Variants in MACF1 observed in about 807,000 individuals in gnomAD.
MACF1 encodes the protein microtubule-actin cross-linking factor 1.
Under a neutral mutation model 854.8 loss-of-function variants are expected in MACF1, and 193 were observed. The observed-to-expected ratio is 0.23, with a 90% CI of 0.20 to 0.25. The LOEUF (loss-of-function observed/expected upper bound fraction) is 0.25, where lower values mean the gene tolerates loss of function less well. Ranked by LOEUF, MACF1 falls within the 10% of genes least tolerant of loss-of-function variation. The probability of loss-of-function intolerance (pLI) is 1.00; values close to 1 mark genes in which losing one functional copy is unlikely to be tolerated. For missense variants in MACF1, 7,722 were observed against 8,929.1 expected, an observed-to-expected ratio of 0.86 and a Z score of 5.45; for synonymous variants, 3,185 against 3,226.7, an observed-to-expected ratio of 0.99 and a Z score of 0.44.
chr1:39,321,091 T>C (rs1383337835), intron 31 of MACF1, among the ~76,000 whole-genome samples: 1 of 152,266 alleles, frequency 6.6e-6, no homozygotes, highest in Non-Finnish European at 1.5e-5. Flanking sequence ...TGTGTGTGTA[T>C]AGCACTCAAA....
At chr1:39,191,305 T>G (rs1361934366) in intron 2 of MACF1, among the ~76,000 whole-genome samples, 1 of 151,800 alleles carries the variant, frequency 6.6e-6, no homozygotes, top group Admixed American at 6.6e-5. Context: ...TTGCTTAAGA[T>G]AGCTTTGAAG....
At position 39,434,307 on chromosome 1, in the gene MACF1, T is replaced by C. The variant is rs985456332; in HGVS notation, c.17566-107T>C. ...TCTTTACTGATATTTTAAAATAATT[T>C]AGTTATGTATTCTTTTAGACTTTTT... On this transcript the variant is annotated intron_variant, in intron 68 of 100. Transcript: ENST00000564288. 136 of 472,342 alleles carry C rather than the reference T, an allele frequency of 2.9e-4. 1 individual carries two copies. The highest frequency in any genetic ancestry group is 1.2e-4 in the South Asian group (2 of 16,836). 29.3% of individuals were successfully genotyped at this position (472,342 alleles called of 1,614,324 possible). A position where few individuals can be genotyped will look rare whatever the true frequency, so the allele number is the denominator to read the frequency against.
At chr1:39,185,557 G>A (rs1273331167) in intron 2 of MACF1, among the ~76,000 whole-genome samples, 1 of 151,860 alleles carries the variant, frequency 6.6e-6, no homozygotes, top group East Asian at 1.9e-4. Context: ...AAGCAAGAAG[G>A]AAAAGTTAAA....
At position 39,423,605 on chromosome 1, in the gene MACF1, A is replaced by C. The variant is rs1168685146; in HGVS notation, c.16150-423A>C. On this transcript the variant is annotated intron_variant, in intron 60 of 100. Coordinates refer to ENST00000564288, the MANE Select transcript of MACF1 (RefSeq NM_001394062.1). ...AGCCGAGATCGAGCCAGTGCACTCC[A>C]GCCTGGGAGACAGAGCGAGACTCTG... is the stretch of plus-strand genomic sequence containing the variant. Among the ~76,000 whole-genome samples, 6 of 147,920 alleles carry C rather than the reference A, an allele frequency of 4.1e-5. No homozygotes were observed. The East Asian group carries it at 9.9e-4, about 24-fold the overall frequency.
intron 99 of MACF1, among the ~76,000 whole-genome samples, chr1:39,481,701 T>C (rs531916571): frequency 6.6e-6 from 1 of 152,360 alleles, no homozygotes; most frequent in Admixed American, 6.5e-5. Context: ...GGAAGAGCAG[T>C]GTTTTAGAAA....
chr1:39,188,247 G>A (rs1022248271), intron 2 of MACF1, among the ~76,000 whole-genome samples: 2 of 151,870 alleles, frequency 1.3e-5, no homozygotes, highest in Admixed American at 6.6e-5. Context: ...AGACTAGCCT[G>A]GGCAACCCCA....
chr1:39,437,956 A>G lies in MACF1; in HGVS notation c.18168A>G (p.Gly6056=). The change falls in exon 71 of 101, where the codon GGA becomes GGG. Residue 6056 remains glycine, a synonymous_variant. Transcript: ENST00000564288. ...QPSFEALKRR[G]EELIGRSQGA... is the part of the protein sequence containing the mutation. ...CCTTTGAGGCCTTGAAGCGCCGTGG[A>G]GAGGAGCTTATTGGACGATCTCAGG... 2 of 1,614,150 alleles carry G rather than the reference A, an allele frequency of 1.2e-6. No homozygotes were observed. Among genetic ancestry groups the G allele is most frequent in the Non-Finnish European group, 1.7e-6 (2 of 1,180,016 alleles).
chr1:39,105,741 C>A lies in MACF1; in HGVS notation c.220+21303C>A. The stretch of plus-strand genomic sequence containing the variant: ...AGGTAGGGCCGGGGACTGGCCGGCG[C>A]TGAGGCCCGCGGGCCGGCGCAGCGT... On this transcript the variant is annotated intron_variant, in intron 2 of 93. Coordinates refer to the MACF1 transcript ENST00000361689. This position sits in a 1 kb window ranked among gnomAD's most constrained non-coding sequence, Gnocchi z 5.9. 2 of 1,117,050 alleles carry A rather than the reference C, an allele frequency of 1.8e-6. No individual in the cohort carries two copies. The highest frequency in any genetic ancestry group is 2.2e-6 in the Non-Finnish European group (2 of 895,902). 69.2% of individuals were successfully genotyped at this position (1,117,050 alleles called of 1,614,324 possible).
chr1:39,387,171 T>C lies in MACF1; in HGVS notation c.14345-16T>C, dbSNP rs760294551. On this transcript the variant is annotated splice_polypyrimidine_tract_variant and intron_variant, in intron 57 of 100. Transcript: ENST00000564288. ...GTTCAGGCTTTATTGATTTCAATTTTATTTTCTCATTTCAGCCGATCGCAT... is the reference window on the plus strand; with the variant it reads ...GTTCAGGCTTTATTGATTTCAATTTCATTTTCTCATTTCAGCCGATCGCAT... 1 of 1,605,768 alleles carries C rather than the reference T, an allele frequency of 6.2e-7. No homozygotes were observed. Among genetic ancestry groups the C allele is most frequent in the Non-Finnish European group, 8.5e-7 (1 of 1,176,110 alleles).
upstream of MACF1, among the ~76,000 whole-genome samples, chr1:39,201,365 CT>C (rs71575618): frequency 5.4e-5 from 8 of 148,450 alleles, no homozygotes; most frequent in Admixed American, 1.3e-4. Flanking sequence ...AAGAATGATC[CT>C]TTTTTTTTTG....
At chr1:39,427,871 A>G in intron 62 of MACF1, 90 bp from the exon 63 acceptor site, 1 of 1,103,304 alleles carries the variant, frequency 9.1e-7, no homozygotes, top group Middle Eastern at 2.1e-4. Context: ...TTAATTGTTT[A>G]ATTTGTTGTA....
chr1:39,454,808 TA>T, intron 88 of MACF1, 100 bp from the exon 89 acceptor site: 2 of 1,067,324 alleles, frequency 1.9e-6, no homozygotes, highest in Non-Finnish European at 2.7e-6. Flanking sequence ...TCCAAAAAAA[TA>T]AAATAAAAAG....
chr1:39,486,611 T>C lies in MACF1; in HGVS notation c.*817T>C, dbSNP rs1040746252. On this transcript the variant is annotated 3_prime_UTR_variant, in exon 101 of 101. Transcript: ENST00000564288. ...GACATTGTGAATTTCAGATTTGTTT[T>C]ATCCACTTTTTTTGCTATTTATTTA... 4 of 152,656 alleles carry C rather than the reference T, an allele frequency of 2.6e-5. No individual in the cohort carries two copies. Among genetic ancestry groups the C allele is most frequent in the African/African-American group, 9.6e-5 (4 of 41,472 alleles). The allele number at this position is 152,656 out of a possible 1,614,324, so 9.5% of individuals were successfully genotyped here.
intron 30 of MACF1, 121 bp downstream of exon 30, chr1:39,318,736 T>A (rs1035000830): frequency 8.9e-7 from 1 of 1,120,146 alleles, no homozygotes; most frequent in African/African-American, 1.6e-5. Flanking sequence ...AATTCCCTTT[T>A]CTTTGAGTGG....
chr1:39,466,925 C>T (rs927043523), intron 95 of MACF1, among the ~76,000 whole-genome samples: 2 of 152,174 alleles, frequency 1.3e-5, no homozygotes, highest in African/African-American at 2.4e-5. Context: ...TGTGCAAATA[C>T]TGCATTTGAG....
intron 23 of MACF1, among the ~76,000 whole-genome samples, chr1:39,308,445 C>T (rs1646234315): frequency 6.6e-6 from 1 of 152,068 alleles, no homozygotes; most frequent in Non-Finnish European, 1.5e-5. Context: ...TTTAATGCCT[C>T]CTATTTAACT....
intron 58 of MACF1, chr1:39,410,433 G>C (rs1642937874): frequency 6.2e-7 from 1 of 1,614,020 alleles, no homozygotes; most frequent in Non-Finnish European, 8.5e-7. Flanking sequence ...AGCTTAACCA[G>C]ACTTCAAAAA....
rs146501848 is a variant in MACF1, at chr1:39,361,527, G to A, written c.12621G>A (p.Lys4207=). Residue 4207 remains lysine (K), a synonymous_variant, in exon 49 of 101, where the codon AAG becomes AAA. Transcript: ENST00000564288. ...AGCTCTGTCTACAGCAGCAAGAAAA[G>A]GAGAGCTCCCTAAAGAAGCTTCTAC... ...FEQLCLQQQE[K]ESSLKKLLPQ... is the part of the protein sequence containing the mutation. 6.3e-4 allele frequency: 1,023 copies of A among 1,614,126 alleles called. No homozygotes were observed. The highest frequency in any genetic ancestry group is 7.8e-4 in the Non-Finnish European group (924 of 1,180,032).
At chr1:39,382,305 C>T (rs1186419587) in intron 56 of MACF1, among the ~76,000 whole-genome samples, 153 bp downstream of exon 56, 1 of 151,972 alleles carries the variant, frequency 6.6e-6, no homozygotes, top group Non-Finnish European at 1.5e-5. Context: ...AATCATGGTG[C>T]CTGTAAAATA....
Sources: allele counts gnomAD v4.1 joint callset (sites outside exome capture counted in the v4.1 genomes callset), GRCh38; gene constraint gnomAD v4.1.1; non-coding constraint Gnocchi (gnomAD v3.1); transcripts MANE v1.5; gene names NCBI Gene and HGNC (gene_info 2026-07-23, HGNC 2026-07-21).